Variants in CTNNA2 observed in about 807,000 individuals in gnomAD.
The protein encoded by CTNNA2 is catenin alpha-2.
Under a neutral mutation model 101.0 loss-of-function variants are expected in CTNNA2, and 42 were observed. The ratio of observed to expected loss-of-function variants is 0.42; its 90% CI spans 0.32 to 0.54. The LOEUF (loss-of-function observed/expected upper bound fraction) is 0.54, where lower values mean the gene tolerates loss of function less well. Among genes scored for constraint, CTNNA2 ranks in the 20% least tolerant of loss-of-function variants. The probability of loss-of-function intolerance (pLI) is 0.14; values close to 1 mark genes in which losing one functional copy is unlikely to be tolerated. For missense variants in CTNNA2, 871 were observed against 1,223.1 expected, an observed-to-expected ratio of 0.71 and a Z score of 4.29; for synonymous variants, 450 against 456.4, an observed-to-expected ratio of 0.99 and a Z score of 0.18.
At chr2:80,581,658 T>A in intron 13 of CTNNA2, 48 bp from the exon 14 acceptor site, 1 of 1,190,452 alleles carries the variant, frequency 8.4e-7, no homozygotes, top group Non-Finnish European at 1.3e-6. Flanking sequence ...TGGATGGGGG[T>A]GAAGATTATC....
upstream of CTNNA2, among the ~76,000 whole-genome samples, chr2:79,508,085 A>G (rs1671452744): frequency 6.6e-6 from 1 of 152,208 alleles, no homozygotes; most frequent in Non-Finnish European, 1.5e-5. Context: ...GAGTGAACAT[A>G]TGAACCAGAG....
At chr2:79,250,270 A>G (rs1296024268) in intron 2 of CTNNA2, among the ~76,000 whole-genome samples, 1 of 151,652 alleles carries the variant, frequency 6.6e-6, no homozygotes, top group African/African-American at 2.4e-5. Context: ...TTAGGTCTAC[A>G]GAAACCCTCA....
chr2:80,484,922 C>T (rs927197105), intron 9 of CTNNA2, among the ~76,000 whole-genome samples: 7 of 152,048 alleles, frequency 4.6e-5, no homozygotes, highest in Admixed American at 1.3e-4. Context: ...AGGAGAATGG[C>T]GTGAACCTGG....
At chr2:80,597,330 A>C (rs1697071017) in intron 15 of CTNNA2, among the ~76,000 whole-genome samples, 2 of 152,190 alleles carry the variant, frequency 1.3e-5, no homozygotes, top group African/African-American at 4.8e-5. Flanking sequence ...TAAAGACTTA[A>C]ATGTAAAACC....
intron 3 of CTNNA2, among the ~76,000 whole-genome samples, chr2:79,763,982 C>T (rs985922031): frequency 6.6e-6 from 1 of 152,200 alleles, no homozygotes; most frequent in African/African-American, 2.4e-5. Flanking sequence ...CCACTCCATC[C>T]ACTCCCCTCC....
chr2:79,718,644 T>C (rs945114670), intron 2 of CTNNA2, among the ~76,000 whole-genome samples: 3 of 152,202 alleles, frequency 2.0e-5, no homozygotes, highest in African/African-American at 7.2e-5. Context: ...GTCTTCTTTG[T>C]TGGTTTATAA....
chr2:80,072,121 A>G (rs1401270513), intron 7 of CTNNA2, among the ~76,000 whole-genome samples: 1 of 152,228 alleles, frequency 6.6e-6, no homozygotes, highest in Non-Finnish European at 1.5e-5. Flanking sequence ...GGCTTTAAAA[A>G]TAGTGTCAAC....
intron 7 of CTNNA2, among the ~76,000 whole-genome samples, chr2:80,164,918 A>G (rs1339256149): frequency 1.3e-5 from 2 of 149,144 alleles, no homozygotes; most frequent in East Asian, 3.9e-4. Context: ...CTCTTATTTG[A>G]ACAGCTTTTC....
chr2:80,545,036 C>T lies in CTNNA2; in HGVS notation c.1345C>T (p.Arg449Trp), dbSNP rs753550582. Residue 449 changes from arginine to tryptophan, a missense_variant, in exon 10 of 19, where the codon CGG becomes TGG. Around this residue, in one of 5 missense-constraint regions of CTNNA2, gnomAD observed 647 missense variants for 831.5 expected, o/e 0.78. Transcript: ENST00000402739. ...SNNEEGVKLV[R>W]MAATQIDSLC... ...CAATGAAGAAGGGGTGAAATTAGTT[C>T]GGATGGCAGCCACCCAGATTGACAG... 4.3e-6 allele frequency: 7 copies of T among 1,614,036 alleles called. No individual in the cohort carries two copies. Among genetic ancestry groups the T allele is most frequent in the South Asian group, 1.1e-5 (1 of 91,078 alleles).
At chr2:79,207,768 C>G (rs1268879965) in intron 2 of CTNNA2, among the ~76,000 whole-genome samples, 1 of 152,024 alleles carries the variant, frequency 6.6e-6, no homozygotes, top group Non-Finnish European at 1.5e-5. Flanking sequence ...TGGCTTTTTC[C>G]CACTCTGATG....
In CTNNA2 at chr2:79,283,232, T is replaced by C. The variant is rs1447293806; in HGVS notation, c.-405-29477T>C. ...TTGCCTGTTCACTCTGATGGTAGTT[T>C]CTTTTGCTGTGCAGAAGCTCTTTAG... On this transcript the variant is annotated intron_variant, in intron 2 of 21. Coordinates refer to the CTNNA2 transcript ENST00000466387. Among the ~76,000 whole-genome samples, 12 of 107,802 alleles carry C rather than the reference T, an allele frequency of 1.1e-4. No individual in the cohort carries two copies. The Admixed American group carries it at 1.2e-3, about 11-fold the overall frequency. 70.7% of individuals were successfully genotyped at this position (107,802 alleles called of 152,430 possible).
At chr2:79,358,584 C>A (rs1406387370) in intron 3 of CTNNA2, among the ~76,000 whole-genome samples, 1 of 152,058 alleles carries the variant, frequency 6.6e-6, no homozygotes, top group Non-Finnish European at 1.5e-5. Context: ...AAAACAGCAA[C>A]AAAGAACCTA....
chr2:79,796,608 C>T (rs559370016), intron 3 of CTNNA2, among the ~76,000 whole-genome samples: 94 of 152,296 alleles, frequency 6.2e-4, no homozygotes, highest in African/African-American at 2.1e-3. Flanking sequence ...ACGGGCTCAT[C>T]TCTGCCCATC....
At chr2:79,571,477 C>A (rs1675455554) in intron 1 of CTNNA2, among the ~76,000 whole-genome samples, 1 of 152,090 alleles carries the variant, frequency 6.6e-6, no homozygotes, top group Non-Finnish European at 1.5e-5. Flanking sequence ...CTGCTATTTT[C>A]TTTGTTCCTT....
At chr2:79,280,463 G>A (rs939879030) in intron 2 of CTNNA2, among the ~76,000 whole-genome samples, 4 of 152,026 alleles carry the variant, frequency 2.6e-5, no homozygotes, top group Non-Finnish European at 5.9e-5. Flanking sequence ...CAGTTGTAGG[G>A]TATGATGGAA....
At chr2:79,936,152 A>G (rs948888668) in intron 7 of CTNNA2, among the ~76,000 whole-genome samples, 5 of 151,814 alleles carry the variant, frequency 3.3e-5, no homozygotes, top group African/African-American at 1.2e-4. Context: ...AGAAAACCAT[A>G]TTCGTTTGAT....
intron 3 of CTNNA2, among the ~76,000 whole-genome samples, chr2:79,842,530 T>A (rs2103851248): frequency 6.6e-6 from 1 of 152,284 alleles, no homozygotes; most frequent in African/African-American, 2.4e-5. Flanking sequence ...TCATCTCCAC[T>A]CCCTTGTGTT....
At chr2:79,767,995 A>G (rs1256114228) in intron 3 of CTNNA2, among the ~76,000 whole-genome samples, 1 of 151,648 alleles carries the variant, frequency 6.6e-6, no homozygotes, top group East Asian at 2.0e-4. Flanking sequence ...GACCCAGTTG[A>G]GCACTAGGAC....
At chr2:79,456,448 C>A (rs1484455797) in intron 4 of CTNNA2, among the ~76,000 whole-genome samples, 1 of 151,900 alleles carries the variant, frequency 6.6e-6, no homozygotes, top group Non-Finnish European at 1.5e-5. Flanking sequence ...AATACAATTC[C>A]AAATCTATTA....
Sources: allele counts gnomAD v4.1 joint callset (sites outside exome capture counted in the v4.1 genomes callset), GRCh38; gene constraint gnomAD v4.1.1; regional missense constraint gnomAD v4.1.1; transcripts MANE v1.5; gene names NCBI Gene and HGNC (gene_info 2026-07-23, HGNC 2026-07-21).